Variants in KLHL1 observed in about 807,000 individuals in gnomAD.
KLHL1 encodes kelch-like protein 1.
KLHL1 carries 47 observed loss-of-function variants against 77.7 expected under a neutral mutation model. That is an observed-to-expected ratio of 0.60 (90% CI 0.48 to 0.77). KLHL1 has a LOEUF of 0.77. KLHL1 is among the 30% of genes least tolerant of loss of function. The pLI, the probability that KLHL1 is intolerant of heterozygous loss-of-function variation, is 0.00. For synonymous variants in KLHL1, 360 were observed against 325.2 expected (o/e 1.11, Z -1.15); for missense variants, 925 against 910.8 (o/e 1.02, Z -0.20).
intron 5 of KLHL1, among the ~76,000 whole-genome samples, chr13:69,841,244 G>A (rs1208933779): frequency 6.6e-6 from 1 of 151,726 alleles, no homozygotes; most frequent in East Asian, 1.9e-4. Context: ...AGAAATAAAA[G>A]GCCTCCAAAT....
intron 3 of KLHL1, among the ~76,000 whole-genome samples, chr13:69,957,395 G>A (rs973030712): frequency 6.6e-6 from 1 of 151,676 alleles, no homozygotes; most frequent in African/African-American, 2.4e-5. Flanking sequence ...TTTCTATACA[G>A]ATGGTTCCTG....
intron 1 of KLHL1, among the ~76,000 whole-genome samples, chr13:70,000,087 G>A (rs899557026): frequency 6.6e-5 from 10 of 151,824 alleles, no homozygotes; most frequent in Non-Finnish European, 1.3e-4. Flanking sequence ...AAAGAGGCTG[G>A]CACCTCTTTC....
chr13:69,962,985 T>C (rs531601036), intron 2 of KLHL1, among the ~76,000 whole-genome samples: 5 of 152,288 alleles, frequency 3.3e-5, no homozygotes, highest in East Asian at 1.9e-4. Context: ...TTTCTTCATA[T>C]ATTCACTTTT....
At chr13:69,855,333 T>TACATACATAGAG (rs1879852596) in intron 5 of KLHL1, among the ~76,000 whole-genome samples, 2 of 97,960 alleles carry the variant, frequency 2.0e-5, no homozygotes, top group Non-Finnish European at 4.5e-5. Context: ...GATAGATAGA[T>TACATACATAGAG]AGATAGATAG....
chr13:69,815,632 A>G (rs898092406), intron 6 of KLHL1, among the ~76,000 whole-genome samples: 7 of 152,164 alleles, frequency 4.6e-5, no homozygotes, highest in Admixed American at 4.6e-4. Context: ...GGGCAATGGG[A>G]TCATTAGAAG....
intron 1 of KLHL1, among the ~76,000 whole-genome samples, chr13:70,023,906 T>A (rs1035563140): frequency 2.6e-5 from 4 of 151,976 alleles, no homozygotes; most frequent in Non-Finnish European, 5.9e-5. Context: ...ATAGTAAGTT[T>A]AGTAACTTAC....
At chr13:69,971,386 T>C (rs1225450417) in intron 2 of KLHL1, among the ~76,000 whole-genome samples, 1 of 152,004 alleles carries the variant, frequency 6.6e-6, no homozygotes, top group Non-Finnish European at 1.5e-5. Context: ...AAACATACTG[T>C]TTCAAGTAAA....
At chr13:70,053,571 TA>T (rs758511763) in intron 1 of KLHL1, among the ~76,000 whole-genome samples, 19 of 152,062 alleles carry the variant, frequency 1.2e-4, no homozygotes, top group Admixed American at 7.9e-4. Flanking sequence ...GAAGAATTTT[TA>T]AAAAACAGTG....
At chr13:69,896,959 T>C (rs888784785) in intron 4 of KLHL1, among the ~76,000 whole-genome samples, 1 of 152,158 alleles carries the variant, frequency 6.6e-6, no homozygotes, top group Admixed American at 6.5e-5. Flanking sequence ...TGTGAGCCAC[T>C]GTGCCCGGCC....
intron 5 of KLHL1, among the ~76,000 whole-genome samples, chr13:69,840,616 C>G (rs1879209005): frequency 6.6e-6 from 1 of 151,656 alleles, no homozygotes; most frequent in Admixed American, 6.6e-5. Context: ...ATTCTTGGCT[C>G]AGTTTCCTTT....
chr13:69,773,402 A>G (rs1875672516), intron 7 of KLHL1, among the ~76,000 whole-genome samples: 5 of 152,186 alleles, frequency 3.3e-5, no homozygotes, highest in Admixed American at 2.6e-4. Flanking sequence ...CCCAGTTAGA[A>G]GAGAATAGAA....
At chr13:69,881,572 T>G (rs7986047) in intron 5 of KLHL1, among the ~76,000 whole-genome samples, 1 of 152,078 alleles carries the variant, frequency 6.6e-6, no homozygotes, top group African/African-American at 2.4e-5. Context: ...ATGCTGTACA[T>G]AGAGAATTTT....
chr13:69,759,004 T>A (rs542160552), intron 7 of KLHL1, among the ~76,000 whole-genome samples: 6 of 152,118 alleles, frequency 3.9e-5, no homozygotes, highest in Non-Finnish European at 8.8e-5. Context: ...AGAGCTTACA[T>A]GGCACCCATG....
chr13:69,809,962 T>C (rs939819214), intron 6 of KLHL1, among the ~76,000 whole-genome samples: 2 of 151,542 alleles, frequency 1.3e-5, no homozygotes, highest in African/African-American at 2.4e-5. Flanking sequence ...CATTAGATAA[T>C]GATAAAGGGT....
At chr13:70,045,008 C>T (rs1260354627) in intron 1 of KLHL1, among the ~76,000 whole-genome samples, 2 of 152,140 alleles carry the variant, frequency 1.3e-5, no homozygotes, top group African/African-American at 2.4e-5. Flanking sequence ...ACAGCAACAC[C>T]TAACTCTCAC....
intron 1 of KLHL1, among the ~76,000 whole-genome samples, chr13:70,030,034 G>A (rs1390080121): frequency 1.3e-5 from 2 of 152,196 alleles, no homozygotes; most frequent in African/African-American, 4.8e-5. Context: ...AATTCAACAA[G>A]AAGAGCTAAC....
intron 10 of KLHL1, among the ~76,000 whole-genome samples, chr13:69,703,452 A>C (rs1285945474): frequency 6.6e-6 from 1 of 151,568 alleles, no homozygotes; most frequent in Non-Finnish European, 1.5e-5. Flanking sequence ...TAAAAAGTAA[A>C]AAAAAAAATT....
At chr13:69,790,030 T>TAACTA (rs1347539267) in intron 7 of KLHL1, among the ~76,000 whole-genome samples, 3 of 152,134 alleles carry the variant, frequency 2.0e-5, no homozygotes, top group African/African-American at 7.2e-5. Flanking sequence ...GGTCTCTATT[T>TAACTA]AACTATCAAG....
chr13:69,997,930 T>C lies in KLHL1; in HGVS notation c.498-22128A>G, dbSNP rs2439675. Among the ~76,000 whole-genome samples, 1,503 of 151,940 alleles carry C rather than the reference T, an allele frequency of 9.9e-3. 25 individuals carry two copies. The highest frequency in any genetic ancestry group is 0.034 in the African/African-American group (1,416 of 41,490). On this transcript the variant is annotated intron_variant, in intron 1 of 10. Coordinates refer to ENST00000377844, the MANE Select transcript of KLHL1 (RefSeq NM_020866.3). ...CAATAAACATAGGAGTGCACGTGTC[T>C]CTTCGAGATCCTGATTTCAATTCTT... is the stretch of plus-strand genomic sequence containing the variant.
Sources: allele counts gnomAD v4.1 joint callset (sites outside exome capture counted in the v4.1 genomes callset), GRCh38; gene constraint gnomAD v4.1.1; transcripts MANE v1.5; gene names NCBI Gene and HGNC (gene_info 2026-07-23, HGNC 2026-07-21).